The following SYT16 variants were observed in gnomAD, a reference collection of about 807,000 sequenced individuals.
SYT16 encodes the protein synaptotagmin 16, also known as synaptotagmin-16.
Under a neutral mutation model 61.4 loss-of-function variants are expected in SYT16, and 42 were observed. That is an observed-to-expected ratio of 0.68 (90% CI 0.53 to 0.89). SYT16 has a LOEUF of 0.89. SYT16 is among the 40% of genes least tolerant of loss of function. The pLI, the probability that SYT16 is intolerant of heterozygous loss-of-function variation, is 0.00. For missense variants in SYT16, 804 were observed against 807.3 expected, an observed-to-expected ratio of 1.00 and a Z score of 0.05; for synonymous variants, 314 against 302.3, an observed-to-expected ratio of 1.04 and a Z score of -0.40.
At chr14:62,052,589 G>A (rs968517246) in intron 3 of SYT16, among the ~76,000 whole-genome samples, 2 of 152,128 alleles carry the variant, frequency 1.3e-5, no homozygotes, top group Admixed American at 6.6e-5. Context: ...TGTTTGTGGG[G>A]TGTTATGCAC....
intron 1 of SYT16, among the ~76,000 whole-genome samples, chr14:61,840,475 A>G (rs992062678): frequency 6.6e-6 from 1 of 152,220 alleles, no homozygotes; most frequent in Non-Finnish European, 1.5e-5. Context: ...AGTATCACCA[A>G]TGAGACCAGG....
At chr14:61,875,024 A>C (rs1211152982) in intron 1 of SYT16, among the ~76,000 whole-genome samples, 3 of 152,216 alleles carry the variant, frequency 2.0e-5, no homozygotes, top group African/African-American at 7.2e-5. Flanking sequence ...TTGCTATGCA[A>C]AGTGCAGTTG....
intron 3 of SYT16, among the ~76,000 whole-genome samples, chr14:62,001,927 C>T (rs1048290248): frequency 2.0e-5 from 3 of 152,036 alleles, no homozygotes; most frequent in Non-Finnish European, 2.9e-5. Flanking sequence ...GATTTGATTG[C>T]ATTTTAAAAT....
chr14:62,077,238 A>C (rs1314336992), intron 5 of SYT16, among the ~76,000 whole-genome samples: 1 of 152,252 alleles, frequency 6.6e-6, no homozygotes, highest in African/African-American at 2.4e-5. Flanking sequence ...AATTTGACAG[A>C]AAATCTTTAA....
chr14:62,078,862 T>C (rs1028638803), intron 5 of SYT16, among the ~76,000 whole-genome samples: 3 of 152,146 alleles, frequency 2.0e-5, no homozygotes, highest in Non-Finnish European at 2.9e-5. Flanking sequence ...CTTTATTGAG[T>C]AGTTCCAGGC....
intron 1 of SYT16, among the ~76,000 whole-genome samples, chr14:61,962,631 A>G (rs1202656204): frequency 1.3e-5 from 2 of 152,078 alleles, no homozygotes; most frequent in Non-Finnish European, 2.9e-5. Flanking sequence ...TTGGACTTCC[A>G]TAATGCATAT....
chr14:62,080,721 C>T (rs1346635553), intron 5 of SYT16, 113 bp from the exon 6 acceptor site: 7 of 1,042,464 alleles, frequency 6.7e-6, no homozygotes, highest in Non-Finnish European at 9.9e-6. Context: ...AGAGGGAATA[C>T]ACTGGCAGTT....
At chr14:61,817,224 C>G (rs955528327) in intron 1 of SYT16, among the ~76,000 whole-genome samples, 7 of 151,634 alleles carry the variant, frequency 4.6e-5, no homozygotes, top group African/African-American at 1.7e-4. Context: ...TGCGACCAGC[C>G]TGGCCAACAT....
intron 1 of SYT16, among the ~76,000 whole-genome samples, chr14:61,836,475 G>T (rs1256317316): frequency 6.6e-6 from 1 of 152,212 alleles, no homozygotes; most frequent in African/African-American, 2.4e-5. Flanking sequence ...AACATAAACA[G>T]TCTAAAATTG....
intron 1 of SYT16, among the ~76,000 whole-genome samples, chr14:61,841,917 G>A (rs1052453815): frequency 6.6e-6 from 1 of 152,062 alleles, no homozygotes; most frequent in Non-Finnish European, 1.5e-5. Flanking sequence ...CCATTCAACT[G>A]TTGGTGGACA....
intron 1 of SYT16, among the ~76,000 whole-genome samples, chr14:61,895,008 T>A (rs2048277247): frequency 6.6e-6 from 1 of 152,140 alleles, no homozygotes; most frequent in South Asian, 2.1e-4. Context: ...ATTTGCTCCC[T>A]GCCAGCTGCC....
intron 3 of SYT16, among the ~76,000 whole-genome samples, chr14:62,040,941 T>G (rs1002725641): frequency 6.6e-6 from 1 of 152,096 alleles, no homozygotes; most frequent in Non-Finnish European, 1.5e-5. Context: ...TAGATGTATA[T>G]ATAAAGGGGA....
chr14:61,830,030 TAAA>T (rs111928187), intron 1 of SYT16, among the ~76,000 whole-genome samples: 6 of 150,728 alleles, frequency 4.0e-5, no homozygotes, highest in African/African-American at 1.5e-4. Context: ...GCTAGTGAGT[TAAA>T]AAAAAAATTA....
At chr14:61,939,005 G>C (rs1038337677) in intron 1 of SYT16, among the ~76,000 whole-genome samples, 1 of 152,108 alleles carries the variant, frequency 6.6e-6, no homozygotes, top group South Asian at 2.1e-4. Flanking sequence ...CATGGTGGCG[G>C]GTGCCTATAA....
rs1427752155 is a variant in SYT16, at chr14:62,047,906, C to T, written c.524-21697C>T. ...ATTTTACTGAGGATTTTTGCATCAA[C>T]GTTCATCAAGGATATTCGTCTAAAA... On this transcript the variant is annotated intron_variant, in intron 3 of 7. Transcript: ENST00000683842. Among the ~76,000 whole-genome samples the T allele has an allele frequency of 5.3e-5, 8 of 152,114 alleles. No individual in the cohort carries two copies. The East Asian group carries it at 5.8e-4, about 11-fold the overall frequency.
intron 1 of SYT16, among the ~76,000 whole-genome samples, chr14:61,895,234 T>C (rs923264789): frequency 3.1e-4 from 47 of 152,160 alleles, no homozygotes; most frequent in African/African-American, 1.1e-3. Context: ...CCCATCCTTA[T>C]CTCTTTTGTT....
chr14:61,888,893 A>G (rs1015281780), intron 1 of SYT16, among the ~76,000 whole-genome samples: 6 of 152,204 alleles, frequency 3.9e-5, no homozygotes, highest in African/African-American at 1.4e-4. Context: ...CTATCTCTCT[A>G]TAACTCCACA....
At chr14:61,896,203 G>T (rs916081120) in intron 1 of SYT16, among the ~76,000 whole-genome samples, 6 of 152,016 alleles carry the variant, frequency 3.9e-5, no homozygotes, top group South Asian at 2.1e-4. Context: ...GCTTATATGG[G>T]CAAGAACCCC....
chr14:61,862,475 T>G (rs12887821), intron 1 of SYT16, among the ~76,000 whole-genome samples: 37,435 of 152,138 alleles, frequency 0.25, 4,916 homozygotes, highest in South Asian at 0.37. Flanking sequence ...GTAGACATAT[T>G]TTAGAGTAGT....
Sources: allele counts gnomAD v4.1 joint callset (sites outside exome capture counted in the v4.1 genomes callset), GRCh38; gene constraint gnomAD v4.1.1; transcripts MANE v1.5; gene names NCBI Gene and HGNC (gene_info 2026-07-23, HGNC 2026-07-21).